The following PIP4K2A variants were observed in gnomAD, a reference collection of about 807,000 sequenced individuals.
PIP4K2A encodes the protein phosphatidylinositol 5-phosphate 4-kinase type-2 alpha.
In PIP4K2A, 14 loss-of-function variants were observed where a neutral mutation model predicts 42.9. The ratio of observed to expected loss-of-function variants is 0.33; its 90% CI spans 0.22 to 0.51. PIP4K2A has a LOEUF of 0.51. Ranked by LOEUF, PIP4K2A falls within the 20% of genes least tolerant of loss-of-function variation. PIP4K2A has a pLI of 0.97. For synonymous variants in PIP4K2A, 192 were observed against 192.2 expected (o/e 1.00, Z 0.01); for missense variants, 434 against 519.8 (o/e 0.83, Z 1.61).
At chr10:22,679,948 T>C (rs532986271) in intron 1 of PIP4K2A, among the ~76,000 whole-genome samples, 1 of 152,302 alleles carries the variant, frequency 6.6e-6, no homozygotes, top group Admixed American at 6.5e-5. Context: ...AGAATGGTTA[T>C]ACAACCCCTA....
intron 1 of PIP4K2A, among the ~76,000 whole-genome samples, chr10:22,674,339 A>G (rs1372030329): frequency 1.3e-5 from 2 of 150,228 alleles, no homozygotes; most frequent in Non-Finnish European, 3.0e-5. Context: ...CTCTTTCCGT[A>G]TATACCAGAC....
intron 1 of PIP4K2A, among the ~76,000 whole-genome samples, chr10:22,625,565 T>C (rs1350856789): frequency 6.6e-6 from 1 of 152,174 alleles, no homozygotes; most frequent in African/African-American, 2.4e-5. Context: ...TATGCATCTA[T>C]TACCCCAGGG....
At chr10:22,560,738 T>C (rs1353463394) in intron 6 of PIP4K2A, among the ~76,000 whole-genome samples, 1 of 152,230 alleles carries the variant, frequency 6.6e-6, no homozygotes, top group Non-Finnish European at 1.5e-5. Flanking sequence ...ACCCTATGGC[T>C]CCATTACACA....
chr10:22,570,146 T>C (rs1409579575), intron 5 of PIP4K2A, among the ~76,000 whole-genome samples: 1 of 151,978 alleles, frequency 6.6e-6, no homozygotes, highest in Non-Finnish European at 1.5e-5. Flanking sequence ...ATCAGGAGAA[T>C]GAATGAGGCA....
chr10:22,562,550 A>G (rs148683742), intron 6 of PIP4K2A, among the ~76,000 whole-genome samples: 2,635 of 152,022 alleles, frequency 0.017, 81 homozygotes, highest in African/African-American at 0.061. Context: ...CTCCGTCTCG[A>G]AAAAAAACAA....
intron 1 of PIP4K2A, among the ~76,000 whole-genome samples, chr10:22,627,844 A>G (rs1379089488): frequency 6.6e-6 from 1 of 152,158 alleles, no homozygotes; most frequent in African/African-American, 2.4e-5. Flanking sequence ...GAATATAAGC[A>G]TTAGCTGTCA....
chr10:22,583,293 C>T (rs192270886), intron 4 of PIP4K2A, among the ~76,000 whole-genome samples: 1 of 152,338 alleles, frequency 6.6e-6, no homozygotes, highest in African/African-American at 2.4e-5. Context: ...TGGAAAGCCC[C>T]ATCCCAGATA....
intron 3 of PIP4K2A, among the ~76,000 whole-genome samples, chr10:22,601,130 CAAAAAAAA>C (rs1188396077): frequency 9.4e-5 from 3 of 31,926 alleles, no homozygotes; most frequent in Non-Finnish European, 1.8e-4. Flanking sequence ...GAGACTGTCT[CAAAAAAAA>C]AAAAAAAAAA....
chr10:22,697,587 T>C (rs905010687), intron 1 of PIP4K2A, among the ~76,000 whole-genome samples: 1 of 152,144 alleles, frequency 6.6e-6, no homozygotes, highest in African/African-American at 2.4e-5. Flanking sequence ...TAGCGGGGTA[T>C]GGTGGCACAC....
chr10:22,694,720 C>A (rs574849262), intron 1 of PIP4K2A: 1 of 152,232 alleles, frequency 6.6e-6, no homozygotes, highest in South Asian at 2.1e-4. Context: ...GAAACTCAGA[C>A]TGTACAGAAA....
At position 22,591,702 on chromosome 10, in the gene PIP4K2A, T is replaced by G; in HGVS notation, c.419A>C (p.Lys140Thr). 1 of 1,613,714 alleles carries G rather than the reference T, an allele frequency of 6.2e-7. No homozygotes were observed. Among genetic ancestry groups the G allele is most frequent in the Non-Finnish European group, 8.5e-7 (1 of 1,179,726 alleles). ...SGARFHTSYD[K>T]RYIIKTITSE... is the part of the protein sequence containing the mutation. Reference sequence around the variant, plus strand: ...GGTAATAGTCTTGATGATGTATCTTTTGTCGTAGGAAGTGTGAAAACGAGC... The same window carrying G: ...GGTAATAGTCTTGATGATGTATCTTGTGTCGTAGGAAGTGTGAAAACGAGC... The change falls in exon 4 of 10, where the codon AAA (lysine) becomes ACA (threonine). Residue 140 changes from lysine to threonine, a missense_variant. Physicochemically the swap from Lys to Thr is moderately conservative, Grantham distance 78. This residue lies in a region of PIP4K2A where 395 missense variants were observed against 444.5 expected (regional missense o/e 0.89). Coordinates refer to ENST00000376573, the MANE Select transcript of PIP4K2A (RefSeq NM_005028.5).
At position 22,700,908 on chromosome 10, in the gene PIP4K2A, C is replaced by T. The variant is rs74989727; in HGVS notation, c.144+13275G>A. ...AAAAGTAATTTAAATAAGAACATGT[C>T]CATAAGAATGGAAATGAATAAAACC... On this transcript the variant is annotated intron_variant, in intron 1 of 9. Transcript: ENST00000376573. Among the ~76,000 whole-genome samples the T allele has an allele frequency of 1.7e-3, 252 of 152,264 alleles. 2 individuals carry two copies. The highest frequency in any genetic ancestry group is 5.8e-3 in the African/African-American group (242 of 41,540).
intron 1 of PIP4K2A, among the ~76,000 whole-genome samples, chr10:22,673,651 T>TA (rs980897589): frequency 2.0e-4 from 31 of 151,534 alleles, no homozygotes; most frequent in African/African-American, 7.5e-4. Flanking sequence ...AAATAAAAAA[T>TA]AAAAAAAATA....
At chr10:22,653,258 G>C (rs748684442) in intron 1 of PIP4K2A, among the ~76,000 whole-genome samples, 9 of 152,138 alleles carry the variant, frequency 5.9e-5, no homozygotes, top group African/African-American at 1.2e-4. Context: ...TGCCTCAGGT[G>C]GGGGGCAGTA....
At position 22,714,453 on chromosome 10, in the gene PIP4K2A, C is replaced by CT; in HGVS notation, c.-128_-127insA. The CT allele has an allele frequency of 2.3e-6, 1 of 442,852 alleles. No homozygotes were observed. Among genetic ancestry groups the CT allele is most frequent in the Non-Finnish European group, 3.0e-6 (1 of 334,798 alleles). 27.4% of individuals were successfully genotyped at this position (442,852 alleles called of 1,614,324 possible). On this transcript the variant is annotated 5_prime_UTR_variant, in exon 1 of 10. Transcript: ENST00000376573. ...CCCCGGCGCGCCGCGCTCCGCTCCG[C>CT]CCGCCGCCGCCGGCGCGCTCAGCCC... is the stretch of plus-strand genomic sequence containing the variant.
At chr10:22,687,375 C>G (rs1839786399) in intron 1 of PIP4K2A, among the ~76,000 whole-genome samples, 1 of 151,910 alleles carries the variant, frequency 6.6e-6, no homozygotes, top group African/African-American at 2.4e-5. Flanking sequence ...TGGAGGGAGG[C>G]CCAAATGAAG....
chr10:22,568,863 C>T, intron 5 of PIP4K2A: 1 of 607,644 alleles, frequency 1.6e-6, no homozygotes. Context: ...AGAAGAATCA[C>T]AGGCCAATTT....
chr10:22,550,075 T>C (rs181086451), intron 7 of PIP4K2A, among the ~76,000 whole-genome samples: 48 of 152,270 alleles, frequency 3.2e-4, no homozygotes, highest in Middle Eastern at 3.4e-3. Context: ...CTGTTCTATG[T>C]CTCTCCACTG....
At chr10:22,672,670 C>A (rs370774728) in intron 1 of PIP4K2A, among the ~76,000 whole-genome samples, 20 of 152,200 alleles carry the variant, frequency 1.3e-4, no homozygotes, top group African/African-American at 4.6e-4. Context: ...CCAGAAGGGC[C>A]TATTAAGAAG....
Sources: allele counts gnomAD v4.1 joint callset (sites outside exome capture counted in the v4.1 genomes callset), GRCh38; gene constraint gnomAD v4.1.1; regional missense constraint gnomAD v4.1.1; transcripts MANE v1.5; gene names NCBI Gene and HGNC (gene_info 2026-07-23, HGNC 2026-07-21).